IL23R: variants seen among roughly 807,000 people sequenced by gnomAD.
IL23R encodes interleukin 23 receptor.
A neutral mutation model predicts 56.9 loss-of-function variants in IL23R; 34 were observed. The observed-to-expected ratio is 0.60, with a 90% CI of 0.45 to 0.80. IL23R has a LOEUF of 0.80. Among genes scored for constraint, IL23R ranks in the 30% least tolerant of loss-of-function variants. The pLI, the probability that IL23R is intolerant of heterozygous loss-of-function variation, is 0.00. For synonymous variants in IL23R, 230 were observed against 249.2 expected, an observed-to-expected ratio of 0.92 and a Z score of 0.73; for missense variants, 635 against 730.0, an observed-to-expected ratio of 0.87 and a Z score of 1.50.
At chr1:67,188,693 C>T (rs1368490153) in intron 4 of IL23R, among the ~76,000 whole-genome samples, 2 of 152,126 alleles carry the variant, frequency 1.3e-5, no homozygotes, top group Non-Finnish European at 2.9e-5. Flanking sequence ...GCTAGGAAGT[C>T]CCAGATCAAG....
At chr1:67,184,243 TAATA>T (rs1647212598) in intron 4 of IL23R, among the ~76,000 whole-genome samples, 1 of 144,838 alleles carries the variant, frequency 6.9e-6, no homozygotes, top group Non-Finnish European at 1.5e-5. Flanking sequence ...TCAAAAATAA[TAATA>T]AATAAAATAA....
At position 67,259,268 on chromosome 1, in the gene IL23R, T is replaced by G. The variant is rs1216649715; in HGVS notation, c.*140T>G. On this transcript the variant is annotated 3_prime_UTR_variant, in exon 11 of 11. Coordinates refer to ENST00000347310, the MANE Select transcript of IL23R (RefSeq NM_144701.3). ...TCTTCACATGGACACATGTTTTCAT[T>G]TCCCTTGGATAAATACCTAGGTAGG... 2.5e-6 allele frequency: 2 copies of G among 811,388 alleles called. No individual in the cohort carries two copies. Among genetic ancestry groups the G allele is most frequent in the African/African-American group, 3.4e-5 (2 of 58,376 alleles). The allele number at this position is 811,388 out of a possible 1,614,324, so 50.3% of individuals were successfully genotyped here. A position where few individuals can be genotyped will look rare whatever the true frequency, so the allele number is the denominator to read the frequency against.
chr1:67,254,215 C>T (rs1251500581), intron 9 of IL23R, among the ~76,000 whole-genome samples: 1 of 151,942 alleles, frequency 6.6e-6, no homozygotes, highest in African/African-American at 2.4e-5. Flanking sequence ...AATACAGGCA[C>T]ACACCACCAT....
At chr1:67,184,300 CT>C (rs1647215016) in intron 4 of IL23R, among the ~76,000 whole-genome samples, 1 of 151,884 alleles carries the variant, frequency 6.6e-6, no homozygotes, top group Non-Finnish European at 1.5e-5. Context: ...AATCCCAGCA[CT>C]TTGGGAGGCT....
At chr1:67,252,958 C>T (rs1411621506) in intron 9 of IL23R, among the ~76,000 whole-genome samples, 3 of 152,256 alleles carry the variant, frequency 2.0e-5, no homozygotes, top group Admixed American at 2.0e-4. Flanking sequence ...TGGGATTGGC[C>T]AAGACTCAGT....
At chr1:67,241,135 C>T (rs936737242) in intron 9 of IL23R, among the ~76,000 whole-genome samples, 17 of 152,198 alleles carry the variant, frequency 1.1e-4, no homozygotes, top group African/African-American at 3.9e-4. Flanking sequence ...AATAATTCCC[C>T]CCTTTTGGTG....
chr1:67,157,848 A>G (rs72676056), intron 1 of IL23R, among the ~76,000 whole-genome samples: 10,563 of 152,284 alleles, frequency 0.069, 486 homozygotes, highest in Non-Finnish European at 0.1. Flanking sequence ...ATGGGGACCA[A>G]ACTTTTGTCT....
intron 4 of IL23R, among the ~76,000 whole-genome samples, chr1:67,198,045 T>C (rs1648303024): frequency 6.6e-6 from 1 of 151,996 alleles, no homozygotes; most frequent in Non-Finnish European, 1.5e-5. Flanking sequence ...TCCAGGAAGA[T>C]TGTGAACAAG....
chr1:67,182,747 T>C (rs766484708), intron 3 of IL23R, 89 bp from the exon 4 acceptor site: 75 of 1,382,464 alleles, frequency 5.4e-5, no homozygotes, highest in Non-Finnish European at 7.7e-5. Flanking sequence ...AGCTGTAGAC[T>C]GGAGCTGTTC....
upstream of IL23R, among the ~76,000 whole-genome samples, chr1:67,163,889 C>A (rs1046509971): frequency 4.8e-4 from 73 of 152,248 alleles, no homozygotes; most frequent in Admixed American, 9.2e-4. Flanking sequence ...TATGGTAACA[C>A]AAGAACAGTC....
intron 9 of IL23R, among the ~76,000 whole-genome samples, chr1:67,243,389 C>A (rs1324570647): frequency 6.6e-6 from 1 of 151,950 alleles, no homozygotes; most frequent in Non-Finnish European, 1.5e-5. Context: ...ATACATGTGC[C>A]ATGGTGGTTT....
intron 10 of IL23R, among the ~76,000 whole-genome samples, chr1:67,257,795 C>G (rs1042231976): frequency 2.0e-5 from 3 of 152,190 alleles, no homozygotes; most frequent in African/African-American, 7.2e-5. Flanking sequence ...CCTCCGCCTC[C>G]CGGGCTCAAG....
intron 6 of IL23R, among the ~76,000 whole-genome samples, chr1:67,216,799 A>G (rs557052047): frequency 4.6e-5 from 7 of 152,348 alleles, no homozygotes. Flanking sequence ...ACAGATAGCA[A>G]AGACAAATCC....
chr1:67,150,652 T>TA (rs3052338), intron 1 of IL23R, among the ~76,000 whole-genome samples: 2,995 of 95,854 alleles, frequency 0.031, 100 homozygotes, highest in African/African-American at 0.086. Context: ...GAACTTAAAG[T>TA]AAAAAAAAAA....
intron 7 of IL23R, among the ~76,000 whole-genome samples, chr1:67,230,342 T>C (rs1420763006): frequency 6.6e-6 from 1 of 152,216 alleles, no homozygotes; most frequent in Non-Finnish European, 1.5e-5. Context: ...GGCAAATGTC[T>C]GCTAGACTAT....
intron 4 of IL23R, among the ~76,000 whole-genome samples, chr1:67,199,706 C>G (rs2102620166): frequency 6.6e-6 from 1 of 150,958 alleles, no homozygotes; most frequent in Non-Finnish European, 1.5e-5. Flanking sequence ...AATATATACG[C>G]TCATTGTTTT....
chr1:67,175,322 C>A (rs1359551637), intron 3 of IL23R, among the ~76,000 whole-genome samples: 1 of 152,060 alleles, frequency 6.6e-6, no homozygotes, highest in Non-Finnish European at 1.5e-5. Context: ...TTTAAAAAAA[C>A]CTTGTTGTGT....
At chr1:67,167,450 A>G (rs1363068825) in intron 1 of IL23R, among the ~76,000 whole-genome samples, 1 of 152,002 alleles carries the variant, frequency 6.6e-6, no homozygotes, top group African/African-American at 2.4e-5. Flanking sequence ...TTTTGAATCC[A>G]TTTTCTCTGG....
At chr1:67,198,074 T>A (rs970407218) in intron 4 of IL23R, among the ~76,000 whole-genome samples, 1 of 152,074 alleles carries the variant, frequency 6.6e-6, no homozygotes, top group African/African-American at 2.4e-5. Context: ...AGGGGGGATA[T>A]GCCACACTCT....
Sources: gnomAD v4.1 joint callset for allele counts (sites outside exome capture counted in the v4.1 genomes callset) on GRCh38, gnomAD v4.1.1 for gene constraint, MANE v1.5 for transcripts, NCBI Gene and HGNC (gene_info 2026-07-23, HGNC 2026-07-21) for gene names.